The following SIGLECL1 variants were observed in gnomAD, a reference collection of about 807,000 sequenced individuals.
SIGLECL1 encodes the protein SIGLEC family like 1.
In SIGLECL1, 16 loss-of-function variants were observed where a neutral mutation model predicts 19.1. The observed-to-expected ratio is 0.84, with a 90% CI of 0.57 to 1.27. SIGLECL1 has a LOEUF of 1.27. SIGLECL1 is among the 50% of genes most tolerant of loss of function. The pLI is 0.00. For missense variants in SIGLECL1, 210 were observed against 239.4 expected (o/e 0.88, Z 0.81); for synonymous variants, 89 against 90.4 (o/e 0.98, Z 0.09).
intron 1 of SIGLECL1, among the ~76,000 whole-genome samples, chr19:51,257,174 A>C (rs892519736): frequency 6.6e-6 from 1 of 152,150 alleles, no homozygotes; most frequent in Admixed American, 6.5e-5. Flanking sequence ...TAGGAAGCCC[A>C]GGTGGGAGGA....
chr19:51,264,412 C>T (rs1447194194), intron 2 of SIGLECL1: 2 of 284,644 alleles, frequency 7.0e-6, no homozygotes, highest in Non-Finnish European at 1.3e-5. Context: ...TCTGTGGGCA[C>T]ACTTTGCCAG....
chr19:51,268,511 C>A, intron 5 of SIGLECL1, 60 bp from the exon 6 acceptor site: 1 of 1,577,958 alleles, frequency 6.3e-7, no homozygotes, highest in Non-Finnish European at 8.7e-7. Context: ...TTGGATACCT[C>A]ACCTCTAGAC....
intron 4 of SIGLECL1, among the ~76,000 whole-genome samples, chr19:51,267,026 G>A (rs1285145229): frequency 2.6e-5 from 4 of 152,142 alleles, no homozygotes; most frequent in Non-Finnish European, 5.9e-5. Context: ...ACTTGGGCAT[G>A]GCTGGCTATG....
chr19:51,248,524 C>T (rs1982336994), upstream of SIGLECL1, among the ~76,000 whole-genome samples: 1 of 152,162 alleles, frequency 6.6e-6, no homozygotes. Flanking sequence ...CCAGCGGAAC[C>T]CCATGTTTAT....
intron 1 of SIGLECL1, among the ~76,000 whole-genome samples, chr19:51,252,748 AG>A (rs1249305509): frequency 6.6e-6 from 1 of 152,144 alleles, no homozygotes; most frequent in African/African-American, 2.4e-5. Context: ...CCACTCAGAG[AG>A]GTCTGTTAAA....
rs1051727882 is a variant in SIGLECL1, at chr19:51,254,934, C to T, written c.-191+3389C>T. On this transcript the variant is annotated intron_variant, in intron 1 of 5. Coordinates refer to ENST00000601727, the MANE Select transcript of SIGLECL1 (RefSeq NM_001385465.1). The stretch of plus-strand genomic sequence containing the variant: ...ATGGAAATTGGACACTTAGTTTATA[C>T]CAAATACAAAAATAAACTCAAAATG... Among the ~76,000 whole-genome samples, 4 of 152,164 alleles carry T rather than the reference C, an allele frequency of 2.6e-5. No homozygotes were observed. In the East Asian group the frequency reaches 7.7e-4, roughly 29 times the overall value.
Position 51,268,874 on chromosome 19 carries a change from G to A in SIGLECL1, c.*277G>A. ...ATGAGAAGAAATCTGTGCCACCCTG[G>A]GAAGGTGTCAAAAGAAGGAAAAATA... On this transcript the variant is annotated 3_prime_UTR_variant, in exon 6 of 6. Coordinates refer to ENST00000601727, the MANE Select transcript of SIGLECL1 (RefSeq NM_001385465.1). 2.6e-6 allele frequency: 1 copy of A among 391,388 alleles called. No individual in the cohort carries two copies. The highest frequency in any genetic ancestry group is 4.6e-6 in the Non-Finnish European group (1 of 219,298). The allele number at this position is 391,388 out of a possible 1,614,324, so 24.2% of individuals were successfully genotyped here.
In SIGLECL1 at chr19:51,267,548, T is replaced by A; in HGVS notation, c.567+19T>A. ...GATATTGGTATGTACCTATTGTGTC[T>A]GGAATCTAGTCTATCGGAATACTGA... On this transcript the variant is annotated intron_variant, in intron 5 of 5. Transcript: ENST00000601727. 6.2e-7 allele frequency: 1 copy of A among 1,613,078 alleles called. No homozygotes were observed. Among genetic ancestry groups the A allele is most frequent in the Non-Finnish European group, 8.5e-7 (1 of 1,179,558 alleles).
chr19:51,263,386 T>C (rs1983376454), intron 1 of SIGLECL1, among the ~76,000 whole-genome samples: 1 of 152,192 alleles, frequency 6.6e-6, no homozygotes, highest in Non-Finnish European at 1.5e-5. Context: ...TATCATATTT[T>C]TCCTGAGAGA....
upstream of SIGLECL1, chr19:51,246,482 T>C (rs1982262093): frequency 6.6e-6 from 1 of 152,158 alleles, no homozygotes; most frequent in Non-Finnish European, 1.5e-5. Context: ...GATAATTCTT[T>C]GGTGGTGGTG....
At position 51,263,999 on chromosome 19, in the gene SIGLECL1, C is replaced by G; in HGVS notation, c.-74C>G. ...ACGCATCACCTCACTCCTTCTGAACCATATGGTTCTGATGTCAGAGCCAGT... is the reference window on the plus strand; with the variant it reads ...ACGCATCACCTCACTCCTTCTGAACGATATGGTTCTGATGTCAGAGCCAGT... On this transcript the variant is annotated 5_prime_UTR_variant, in exon 2 of 6. Transcript: ENST00000601727. 1 of 1,580,268 alleles carries G rather than the reference C, an allele frequency of 6.3e-7. No homozygotes were observed. The highest frequency in any genetic ancestry group is 8.7e-7 in the Non-Finnish European group (1 of 1,153,102).
intron 1 of SIGLECL1, among the ~76,000 whole-genome samples, chr19:51,257,406 T>C (rs1251640140): frequency 7.4e-6 from 1 of 134,480 alleles, no homozygotes; most frequent in African/African-American, 3.2e-5. Context: ...CAAGAAACTG[T>C]CTCAAAAAAA....
At chr19:51,256,710 A>T (rs1982832783) in intron 1 of SIGLECL1, among the ~76,000 whole-genome samples, 1 of 152,230 alleles carries the variant, frequency 6.6e-6, no homozygotes, top group East Asian at 1.9e-4. Context: ...GATTATGTTA[A>T]TTCACTGGAT....
At chr19:51,259,980 C>G (rs1196454282) in intron 1 of SIGLECL1, among the ~76,000 whole-genome samples, 1 of 152,206 alleles carries the variant, frequency 6.6e-6, no homozygotes, top group Admixed American at 6.5e-5. Context: ...AAGGCAAAAA[C>G]AAGTCACTTC....
intron 1 of SIGLECL1, among the ~76,000 whole-genome samples, chr19:51,261,530 C>T (rs1007154186): frequency 8.5e-5 from 13 of 152,236 alleles, no homozygotes; most frequent in African/African-American, 2.6e-4. Context: ...CCTCGTGATC[C>T]GCCCGTCTCG....
Position 51,267,534 on chromosome 19 carries a change from G to T in SIGLECL1, c.567+5G>T. The T allele has an allele frequency of 6.2e-7, 1 of 1,613,758 alleles. No individual in the cohort carries two copies. On this transcript the variant is annotated splice_donor_5th_base_variant and intron_variant, in intron 5 of 5. Coordinates refer to ENST00000601727, the MANE Select transcript of SIGLECL1 (RefSeq NM_001385465.1). ...TTTTCTGAGAGCCGGATATTGGTAT[G>T]TACCTATTGTGTCTGGAATCTAGTC... is the stretch of plus-strand genomic sequence containing the variant.
At chr19:51,256,600 T>C (rs34521906) in intron 1 of SIGLECL1, among the ~76,000 whole-genome samples, 11 of 152,196 alleles carry the variant, frequency 7.2e-5, no homozygotes, top group Non-Finnish European at 1.2e-4. Flanking sequence ...ATGTGCACCA[T>C]GGTGACTATG....
intron 1 of SIGLECL1, among the ~76,000 whole-genome samples, chr19:51,257,232 T>C (rs2063825): frequency 0.072 from 10,846 of 151,642 alleles, 1,266 homozygotes; most frequent in African/African-American, 0.25. Context: ...CATAACAAGA[T>C]CCCATCTCTA....
intron 1 of SIGLECL1, among the ~76,000 whole-genome samples, chr19:51,256,797 G>T (rs1243818931): frequency 1.3e-5 from 2 of 151,976 alleles, no homozygotes; most frequent in African/African-American, 4.8e-5. Context: ...ATTTTTATTT[G>T]TCAGTTATAC....
Sources: gnomAD v4.1 joint callset for allele counts (sites outside exome capture counted in the v4.1 genomes callset) on GRCh38, gnomAD v4.1.1 for gene constraint, MANE v1.5 for transcripts, NCBI Gene and HGNC (gene_info 2026-07-23, HGNC 2026-07-21) for gene names.